Variants in CTNNB1 observed in about 807,000 individuals in gnomAD.
The protein encoded by CTNNB1 is catenin beta-1.
In CTNNB1, 6 loss-of-function variants were observed where a neutral mutation model predicts 82.5. The ratio of observed to expected loss-of-function variants is 0.07; its 90% CI spans 0.04 to 0.14. The LOEUF (loss-of-function observed/expected upper bound fraction) is 0.14. Ranked by LOEUF, CTNNB1 falls within the 10% of genes least tolerant of loss-of-function variation. The pLI, the probability that CTNNB1 is intolerant of heterozygous loss-of-function variation, is 1.00. For synonymous variants in CTNNB1, 312 were observed against 329.7 expected (o/e 0.95, Z 0.58); for missense variants, 529 against 980.4 (o/e 0.54, Z 6.15).
chr3:41,204,191 A>T (rs1401831481), intron 1 of CTNNB1, among the ~76,000 whole-genome samples: 1 of 152,098 alleles, frequency 6.6e-6, no homozygotes, highest in Non-Finnish European at 1.5e-5. Flanking sequence ...CATACTTGTA[A>T]ATCAGTGATT....
chr3:41,209,971 T>C (rs1003316327), intron 1 of CTNNB1, among the ~76,000 whole-genome samples: 1 of 152,198 alleles, frequency 6.6e-6, no homozygotes, highest in Non-Finnish European at 1.5e-5. Flanking sequence ...GACTTTTTTC[T>C]ATAATAAACC....
At chr3:41,200,072 G>A (rs1263126956) in intron 1 of CTNNB1, 1 of 145,342 alleles carries the variant, frequency 6.9e-6, no homozygotes, top group African/African-American at 2.6e-5. Flanking sequence ...GGGGGGCGGG[G>A]TGGGGACGGG....
chr3:41,233,438 T>G lies in CTNNB1; in HGVS notation c.1179T>G (p.Thr393=). 6.2e-7 allele frequency: 1 copy of G among 1,614,172 alleles called. No homozygotes were observed. The highest frequency in any genetic ancestry group is 8.5e-7 in the Non-Finnish European group (1 of 1,180,006). Residue 393 remains threonine (T), a synonymous_variant, in exon 8 of 15, where the codon ACT becomes ACG. Coordinates refer to ENST00000349496, the MANE Select transcript of CTNNB1 (RefSeq NM_001904.4). ...TCAGGAATCTTTCAGATGCTGCAAC[T>G]AAACAGGTAAATTCTGAGTAAACTG... ...WTLRNLSDAA[T]KQEGMEGLLG...
intron 14 of CTNNB1, among the ~76,000 whole-genome samples, chr3:41,238,814 TC>T (rs1430774213): frequency 2.0e-5 from 3 of 152,156 alleles, no homozygotes; most frequent in Admixed American, 6.5e-5. Context: ...TCCTGCTTCT[TC>T]TCCTCGGGAA....
intron 14 of CTNNB1, chr3:41,238,285 C>T (rs1475357659): frequency 1.7e-6 from 1 of 585,906 alleles, no homozygotes; most frequent in East Asian, 2.9e-5. Context: ...AGTAGGATTA[C>T]ACCACCAACA....
At chr3:41,201,285 T>C (rs2125580965) in intron 1 of CTNNB1, among the ~76,000 whole-genome samples, 1 of 152,356 alleles carries the variant, frequency 6.6e-6, no homozygotes, top group South Asian at 2.1e-4. Context: ...TGGAGGCTTT[T>C]CGTTTGAACT....
intron 1 of CTNNB1, among the ~76,000 whole-genome samples, chr3:41,211,839 G>A (rs1575294241): frequency 6.6e-6 from 1 of 152,178 alleles, no homozygotes; most frequent in Admixed American, 6.5e-5. Context: ...TTATTGGAAA[G>A]GCCTTCTAAC....
In CTNNB1 at chr3:41,234,029, G is replaced by T. The variant is rs1269700118; in HGVS notation, c.1525-110G>T. On this transcript the variant is annotated intron_variant, in intron 9 of 14. Transcript: ENST00000349496. The stretch of plus-strand genomic sequence containing the variant: ...AGGGGTAAGATTCTGAAATGTTTGT[G>T]TAGTCAGAACTACTTTTAGTTGATA... 3 of 1,478,254 alleles carry T rather than the reference G, an allele frequency of 2.0e-6. No individual in the cohort carries two copies. The African/African-American group carries it at 4.2e-5, about 20-fold the overall frequency. 91.6% of individuals were successfully genotyped at this position (1,478,254 alleles called of 1,614,324 possible). A position where few individuals can be genotyped will look rare whatever the true frequency, so the allele number is the denominator to read the frequency against.
At chr3:41,237,469 C>CAAATT (rs2078464887) in intron 13 of CTNNB1, 1 of 90,870 alleles carries the variant, frequency 1.1e-5, no homozygotes, top group South Asian at 3.6e-4. Flanking sequence ...AAAAAAAAAG[C>CAAATT]AAATTACCAG....
chr3:41,201,575 G>A (rs1206999724), intron 1 of CTNNB1, among the ~76,000 whole-genome samples: 4 of 152,108 alleles, frequency 2.6e-5, no homozygotes, highest in Admixed American at 2.0e-4. Flanking sequence ...AGTCCTGGGG[G>A]TGGGGAAAAA....
chr3:41,236,345 T>C lies in CTNNB1; in HGVS notation c.1804-4T>C, dbSNP rs146760147. Reference sequence around the variant, plus strand: ...ATTAGGTTTTGTTTGTGTTTTCTCCTTAGCTGCTTTATTCTCCCATTGAAA... The same window carrying C: ...ATTAGGTTTTGTTTGTGTTTTCTCCCTAGCTGCTTTATTCTCCCATTGAAA... On this transcript the variant is annotated splice_region_variant and splice_polypyrimidine_tract_variant and intron_variant, in intron 11 of 14. Transcript: ENST00000349496. The C allele has an allele frequency of 7.5e-5, 121 of 1,614,214 alleles. No individual in the cohort carries two copies. Among genetic ancestry groups the C allele is most frequent in the Non-Finnish European group, 9.9e-5 (117 of 1,180,010 alleles).
At chr3:41,201,558 A>T (rs1423709187) in intron 1 of CTNNB1, among the ~76,000 whole-genome samples, 1 of 152,164 alleles carries the variant, frequency 6.6e-6, no homozygotes, top group Non-Finnish European at 1.5e-5. Context: ...AGACTATTCA[A>T]GTTTGAAGTC....
intron 1 of CTNNB1, among the ~76,000 whole-genome samples, chr3:41,207,438 C>A (rs547861034): frequency 4.1e-4 from 63 of 152,234 alleles, no homozygotes; most frequent in Admixed American, 1.0e-3. Context: ...CTGTTTAATA[C>A]CTTCCCTTTT....
chr3:41,209,716 T>C (rs563241894), intron 1 of CTNNB1, among the ~76,000 whole-genome samples: 1 of 152,336 alleles, frequency 6.6e-6, no homozygotes, highest in African/African-American at 2.4e-5. Context: ...TAAAGGTAGG[T>C]ATTTTTATCT....
In CTNNB1 at chr3:41,208,810, G is replaced by T. The variant is rs181582237; in HGVS notation, c.-49+9140G>T. ...CTCTTGCTCTCAAGAATATTACTGT[G>T]GTATCTCTCTTTTCTTGTCTCTACT... On this transcript the variant is annotated intron_variant, in intron 1 of 14. Transcript: ENST00000349496. Among the ~76,000 whole-genome samples the T allele has an allele frequency of 4.6e-5, 7 of 152,172 alleles. No individual in the cohort carries two copies. The East Asian group carries it at 1.2e-3, about 25-fold the overall frequency.
At chr3:41,207,462 C>T (rs567755690) in intron 1 of CTNNB1, among the ~76,000 whole-genome samples, 1 of 152,238 alleles carries the variant, frequency 6.6e-6, no homozygotes, top group South Asian at 2.1e-4. Context: ...CTGAACTTCC[C>T]CTCTCCTCTC....
chr3:41,240,172 T>G lies in CTNNB1; in HGVS notation c.*830T>G, dbSNP rs1407566043. The G allele has an allele frequency of 6.9e-5, 14 of 204,378 alleles. No individual in the cohort carries two copies. The Admixed American group carries it at 8.3e-4, about 12-fold the overall frequency. The allele number at this position is 204,378 out of a possible 1,614,324, so 12.7% of individuals were successfully genotyped here. The stretch of plus-strand genomic sequence containing the variant: ...AAGTGTAACAATTGTGTAGCCTTTT[T>G]GTATAAAATAGACAAATAGAAAATG... On this transcript the variant is annotated 3_prime_UTR_variant, in exon 15 of 15. Transcript: ENST00000349496.
In CTNNB1 at chr3:41,234,438, T is replaced by C. The variant is rs1251815689; in HGVS notation, c.1683+141T>C. 7 of 837,532 alleles carry C rather than the reference T, an allele frequency of 8.4e-6. No individual in the cohort carries two copies. The African/African-American group carries it at 1.2e-4, about 14-fold the overall frequency. The allele number at this position is 837,532 out of a possible 1,614,324, so 51.9% of individuals were successfully genotyped here. ...ATGACAAAGTAAATAAATAAATAATTACACATTTCTATGGCTGCAGAGAAA... is the reference window on the plus strand; with the variant it reads ...ATGACAAAGTAAATAAATAAATAATCACACATTTCTATGGCTGCAGAGAAA... On this transcript the variant is annotated intron_variant, in intron 10 of 14. Coordinates refer to ENST00000349496, the MANE Select transcript of CTNNB1 (RefSeq NM_001904.4).
In CTNNB1 at chr3:41,227,363, GT is replaced by G; in HGVS notation, c.1081+12del. On this transcript the variant is annotated intron_variant, in intron 7 of 14. Transcript: ENST00000349496. Reference sequence around the variant, plus strand: ...CTATTGTAGAAGCTGGTAAGTATATGTATCTATTCTGAGTCTTGTGTATAGC... The same window carrying G: ...CTATTGTAGAAGCTGGTAAGTATATGATCTATTCTGAGTCTTGTGTATAGC... 6.2e-7 allele frequency: 1 copy of G among 1,613,490 alleles called. No individual in the cohort carries two copies. Among genetic ancestry groups the G allele is most frequent in the African/African-American group, 1.3e-5 (1 of 75,002 alleles).
Sources: gnomAD v4.1 joint callset for allele counts (sites outside exome capture counted in the v4.1 genomes callset) on GRCh38, gnomAD v4.1.1 for gene constraint, MANE v1.5 for transcripts, NCBI Gene and HGNC (gene_info 2026-07-23, HGNC 2026-07-21) for gene names.